CSMD2: variants seen among roughly 807,000 people sequenced by gnomAD.
The protein encoded by CSMD2 is CUB and sushi domain-containing protein 2.
Under a neutral mutation model 398.5 loss-of-function variants are expected in CSMD2, and 130 were observed. That is an observed-to-expected ratio of 0.33 (90% CI 0.28 to 0.38). The LOEUF (loss-of-function observed/expected upper bound fraction) is 0.38. CSMD2 is among the 10% of genes least tolerant of loss of function. The pLI, the probability that CSMD2 is intolerant of heterozygous loss-of-function variation, is 1.00. For missense variants in CSMD2, 3,829 were observed against 4,764.9 expected, an observed-to-expected ratio of 0.80 and a Z score of 5.78; for synonymous variants, 1,828 against 1,908.5, an observed-to-expected ratio of 0.96 and a Z score of 1.10.
chr1:33,902,114 T>A (rs1475829172), intron 5 of CSMD2, among the ~76,000 whole-genome samples: 1 of 152,326 alleles, frequency 6.6e-6, no homozygotes, highest in East Asian at 1.9e-4. Flanking sequence ...CAAAGAGCAT[T>A]CAAGCAAGTC....
chr1:33,703,388 A>G (rs1197411827), intron 22 of CSMD2, among the ~76,000 whole-genome samples: 1 of 152,106 alleles, frequency 6.6e-6, no homozygotes, highest in East Asian at 1.9e-4. Flanking sequence ...TTCTGTTCTT[A>G]TTCCTGGGTA....
intron 57 of CSMD2, among the ~76,000 whole-genome samples, chr1:33,543,795 G>A (rs1201524684): frequency 6.6e-6 from 1 of 152,146 alleles, no homozygotes; most frequent in Non-Finnish European, 1.5e-5. Context: ...GTTCATATAG[G>A]AACGCCAGAT....
At chr1:34,131,424 G>A (rs1036626481) in intron 1 of CSMD2, among the ~76,000 whole-genome samples, 17 of 152,168 alleles carry the variant, frequency 1.1e-4, no homozygotes, top group Non-Finnish European at 1.2e-4. Flanking sequence ...AGGCCAGCCT[G>A]CCTGGGGATG....
chr1:34,032,777 G>C, intron 2 of CSMD2, 71 bp from the exon 3 acceptor site: 1 of 1,046,978 alleles, frequency 9.6e-7, no homozygotes, highest in South Asian at 1.4e-5. Flanking sequence ...AGCATTTATT[G>C]AGTGCCTGCT....
intron 22 of CSMD2, among the ~76,000 whole-genome samples, chr1:33,702,905 T>G (rs971221520): frequency 6.6e-6 from 1 of 152,170 alleles, no homozygotes; most frequent in South Asian, 2.1e-4. Context: ...AACTCCCTGA[T>G]AGATTAGTCA....
intron 6 of CSMD2, 74 bp downstream of exon 6, chr1:33,846,810 G>C (rs990136064): frequency 1.1e-6 from 1 of 880,740 alleles, no homozygotes; most frequent in African/African-American, 1.7e-5. Context: ...ACCCAGTAGG[G>C]AGAGGTGATG....
chr1:34,141,100 A>C (rs576236698), intron 1 of CSMD2, among the ~76,000 whole-genome samples: 97 of 152,050 alleles, frequency 6.4e-4, no homozygotes, highest in Non-Finnish European at 4.4e-4. Context: ...TACCTGCTCC[A>C]CCTTTTAAGT....
chr1:33,558,788 C>G (rs931048858), intron 54 of CSMD2, among the ~76,000 whole-genome samples: 5 of 152,060 alleles, frequency 3.3e-5, no homozygotes, highest in Non-Finnish European at 5.9e-5. Context: ...AGCCCTCACC[C>G]CCTTTATCTC....
intron 56 of CSMD2, among the ~76,000 whole-genome samples, chr1:33,548,469 C>T (rs1033606690): frequency 2.0e-5 from 3 of 152,094 alleles, no homozygotes; most frequent in African/African-American, 7.2e-5. Context: ...CCTTGGTGGC[C>T]CAGTGGTGTA....
chr1:33,521,081 T>C (rs1350897424), intron 68 of CSMD2, among the ~76,000 whole-genome samples: 1 of 152,100 alleles, frequency 6.6e-6, no homozygotes, highest in Non-Finnish European at 1.5e-5. Context: ...AGAAACGACA[T>C]CACAGTCAAG....
At position 33,540,572 on chromosome 1, in the gene CSMD2, G is replaced by A; in HGVS notation, c.9584C>T (p.Thr3195Ile). ...GGTCCAGGACCCATTTCCCTCACAG[G>A]TGAACACCGCGGGCAGGGAGAGCTG... is the stretch of plus-strand genomic sequence containing the variant. ...GYQLSLPAVF[T>I]CEGNGSWTGE... Residue 3195 changes from threonine (T) to isoleucine (I), a missense_variant, in exon 60 of 71, where the codon ACC becomes ATC. This residue lies in a region of CSMD2 where 917 missense variants were observed against 1,199.5 expected (regional missense o/e 0.76). Transcript: ENST00000373381. The A allele has an allele frequency of 6.2e-7, 1 of 1,614,152 alleles. No individual in the cohort carries two copies. Among genetic ancestry groups the A allele is most frequent in the Non-Finnish European group, 8.5e-7 (1 of 1,180,032 alleles).
chr1:34,071,466 G>C (rs1351204), intron 2 of CSMD2, among the ~76,000 whole-genome samples: 42,381 of 152,206 alleles, frequency 0.28, 6,349 homozygotes, highest in African/African-American at 0.35. Context: ...AGATAGGGGA[G>C]GAGGTGGGTT....
At chr1:34,126,382 G>A (rs902021556) in intron 1 of CSMD2, among the ~76,000 whole-genome samples, 48 of 152,280 alleles carry the variant, frequency 3.2e-4, no homozygotes, top group African/African-American at 1.1e-3. Context: ...CTACCTCCCT[G>A]TAATGGGGCT....
intron 47 of CSMD2, among the ~76,000 whole-genome samples, chr1:33,581,308 G>A (rs1253274904): frequency 2.9e-5 from 4 of 139,398 alleles, no homozygotes; most frequent in Non-Finnish European, 6.1e-5. Flanking sequence ...GATCACTTGA[G>A]CCCAGGAGTT....
chr1:33,643,221 C>T (rs1323090489), intron 29 of CSMD2, among the ~76,000 whole-genome samples: 3 of 152,220 alleles, frequency 2.0e-5, no homozygotes, highest in Non-Finnish European at 4.4e-5. Flanking sequence ...TCTCTCCAGA[C>T]TTACAGGGTG....
chr1:34,077,552 C>G (rs552813161), intron 2 of CSMD2, among the ~76,000 whole-genome samples: 1 of 145,176 alleles, frequency 6.9e-6, no homozygotes, highest in African/African-American at 2.6e-5. Flanking sequence ...CTGGCTAACA[C>G]AGTGAAACCC....
chr1:34,122,272 A>C (rs1662266369), intron 1 of CSMD2, among the ~76,000 whole-genome samples: 1 of 152,140 alleles, frequency 6.6e-6, no homozygotes, highest in African/African-American at 2.4e-5. Context: ...AAAATGCCCA[A>C]GGCTGAGAAA....
intron 41 of CSMD2, chr1:33,605,854 T>C: frequency 6.2e-7 from 1 of 1,609,936 alleles, no homozygotes; most frequent in Non-Finnish European, 8.5e-7. Context: ...GTTGCTTATC[T>C]CATTGAACCT....
intron 68 of CSMD2, among the ~76,000 whole-genome samples, chr1:33,521,108 A>G (rs1654236606): frequency 6.6e-6 from 1 of 152,202 alleles, no homozygotes; most frequent in African/African-American, 2.4e-5. Context: ...TGAGAGCTCT[A>G]AGACACTCCA....
Sources: gnomAD v4.1 joint callset for allele counts (sites outside exome capture counted in the v4.1 genomes callset) on GRCh38, gnomAD v4.1.1 for gene constraint, gnomAD v4.1.1 regional missense constraint, MANE v1.5 for transcripts, NCBI Gene and HGNC (gene_info 2026-07-23, HGNC 2026-07-21) for gene names.